SH3KBP1: variants seen among roughly 807,000 people sequenced by gnomAD.
SH3KBP1 encodes SH3 domain-containing kinase-binding protein 1.
Under a neutral mutation model 50.1 loss-of-function variants are expected in SH3KBP1, and 8 were observed. The observed-to-expected ratio is 0.16, with a 90% CI of 0.09 to 0.29. The LOEUF (loss-of-function observed/expected upper bound fraction) is 0.29. Ranked by LOEUF, SH3KBP1 falls within the 10% of genes least tolerant of loss-of-function variation. SH3KBP1 has a pLI of 1.00. For synonymous variants in SH3KBP1, 227 were observed against 218.6 expected (o/e 1.04, Z -0.34); for missense variants, 377 against 535.2 (o/e 0.70, Z 2.92).
At chrX:19,539,680 G>A (rs1397207365) in intron 16 of SH3KBP1, among the ~76,000 whole-genome samples, 1 of 112,080 alleles carries the variant, frequency 8.9e-6, no homozygotes, top group African/African-American at 3.2e-5. Context: ...AGAAAAGCAG[G>A]GAGGTGAGAA....
intron 2 of SH3KBP1, among the ~76,000 whole-genome samples, chrX:19,808,512 T>A (rs752009482): frequency 3.6e-5 from 4 of 110,774 alleles, no homozygotes; most frequent in Non-Finnish European, 7.6e-5. Flanking sequence ...GCCAGCACCA[T>A]GAGTTTTCTC....
rs770896850 is a variant in SH3KBP1 at position 19,631,983 on chromosome X, C to T, written c.803-25G>A. 7.0e-6 allele frequency: 7 copies of T among 995,770 alleles called. No homozygotes were observed. In the African/African-American group the frequency reaches 7.6e-5, roughly 11 times the overall value. The allele number at this position is 995,770 out of a possible 1,213,427, so 82.1% of individuals were successfully genotyped here. ...CCTATAAGAAAAACAGAAAACATAA[C>T]CTTTAAAATGCTTTATCTAATGAGC... On this transcript the variant is annotated intron_variant, in intron 7 of 17. Coordinates refer to ENST00000397821, the MANE Select transcript of SH3KBP1 (RefSeq NM_031892.3).
At chrX:19,871,772 C>T (rs759345467) in intron 1 of SH3KBP1, among the ~76,000 whole-genome samples, 7 of 111,037 alleles carry the variant, frequency 6.3e-5, no homozygotes, top group African/African-American at 2.0e-4. Flanking sequence ...CAGAGGAGTG[C>T]ATGATGACAC....
rs374848421 is a variant in SH3KBP1, at chrX:19,820,416, C to A, written c.162+15709G>T. ...GGCCCATACACATTTAGGACTGCTA[C>A]GTCTTCTTGGTGGAATGACACTTTT... On this transcript the variant is annotated intron_variant, in intron 2 of 17. Coordinates refer to ENST00000397821, the MANE Select transcript of SH3KBP1 (RefSeq NM_031892.3). Among the ~76,000 whole-genome samples, 5 of 111,512 alleles carry A rather than the reference C, an allele frequency of 4.5e-5. No individual in the cohort carries two copies. In the East Asian group the frequency reaches 1.1e-3, roughly 25 times the overall value.
intron 9 of SH3KBP1, among the ~76,000 whole-genome samples, chrX:19,604,205 A>T (rs1207940294): frequency 9.0e-6 from 1 of 111,710 alleles, no homozygotes; most frequent in Non-Finnish European, 1.9e-5. Context: ...AAATAAACAG[A>T]CAGCCATTGA....
chrX:19,589,830 C>T (rs1042927081), intron 11 of SH3KBP1, among the ~76,000 whole-genome samples: 4 of 108,639 alleles, frequency 3.7e-5, no homozygotes, highest in Non-Finnish European at 7.6e-5. Context: ...AAAAAAAAAA[C>T]CCATCAGGGC....
At chrX:19,670,852 A>AAAAAAAAAAAAAAAAAAAC (rs2062774864) in intron 6 of SH3KBP1, 2 of 1,145,265 alleles carry the variant, frequency 1.7e-6, no homozygotes, top group Non-Finnish European at 2.3e-6. Flanking sequence ...AAAAAAAAAA[A>AAAAAAAAAAAAAAAAAAAC]AAGAAATACC....
At chrX:19,714,591 C>G (rs1485803199) in intron 3 of SH3KBP1, among the ~76,000 whole-genome samples, 1 of 111,883 alleles carries the variant, frequency 8.9e-6, no homozygotes, top group Admixed American at 9.5e-5. Flanking sequence ...CTGTCTTTGG[C>G]AGCAACATGG....
intron 1 of SH3KBP1, among the ~76,000 whole-genome samples, chrX:19,881,190 T>C (rs375496024): frequency 8.9e-6 from 1 of 111,733 alleles, no homozygotes; most frequent in Non-Finnish European, 1.9e-5. Context: ...AGCGAAAGCA[T>C]TGGTGGCTGC....
chrX:19,571,231 C>A lies in SH3KBP1; in HGVS notation c.1299-2043G>T, dbSNP rs182792514. 2.7e-3 allele frequency among the ~76,000 whole-genome samples: 302 copies of A among 112,152 alleles called. 1 individual carries two copies. Among genetic ancestry groups the A allele is most frequent in the African/African-American group, 9.6e-3 (296 of 30,856 alleles). ...GCTGGCTGGGCCCTTCCAAGCTAGG[C>A]TGAAATAGAAGTTCAGGTAGAGCAT... On this transcript the variant is annotated intron_variant, in intron 12 of 17. Coordinates refer to ENST00000397821, the MANE Select transcript of SH3KBP1 (RefSeq NM_031892.3).
At chrX:19,874,309 T>G (rs1326394006) in intron 1 of SH3KBP1, among the ~76,000 whole-genome samples, 10 of 58,573 alleles carry the variant, frequency 1.7e-4, no homozygotes, top group East Asian at 5.0e-4. Flanking sequence ...TGAGGGAGAG[T>G]GGGCACTGGG....
chrX:19,818,517 T>C (rs2067426708), intron 2 of SH3KBP1, among the ~76,000 whole-genome samples: 1 of 112,171 alleles, frequency 8.9e-6, no homozygotes, highest in Non-Finnish European at 1.9e-5. Flanking sequence ...GGGGAGAGTA[T>C]ACAGTCTTTC....
At chrX:19,817,995 AC>A (rs1476799748) in intron 2 of SH3KBP1, among the ~76,000 whole-genome samples, 1 of 112,220 alleles carries the variant, frequency 8.9e-6, no homozygotes, top group African/African-American at 3.2e-5. Context: ...GCCTACAGTA[AC>A]ATGCTGTGCA....
chrX:19,854,593 G>A (rs964905891), intron 1 of SH3KBP1, among the ~76,000 whole-genome samples: 2 of 111,521 alleles, frequency 1.8e-5, no homozygotes, highest in African/African-American at 6.5e-5. Context: ...AGATATTATG[G>A]GTTTGAGGAA....
chrX:19,669,331 T>A lies in SH3KBP1; in HGVS notation c.726+14492A>T, dbSNP rs184260157. On this transcript the variant is annotated intron_variant, in intron 6 of 17. Coordinates refer to ENST00000397821, the MANE Select transcript of SH3KBP1 (RefSeq NM_031892.3). Reference sequence around the variant, plus strand: ...GAATAATAATAATAATAATAATTATTATTATTATTACAAAGAGCTCTTGTA... The same window carrying A: ...GAATAATAATAATAATAATAATTATAATTATTATTACAAAGAGCTCTTGTA... Among the ~76,000 whole-genome samples, 706 of 103,004 alleles carry A rather than the reference T, an allele frequency of 6.9e-3. 9 individuals are homozygous for A. Among genetic ancestry groups the A allele is most frequent in the African/African-American group, 0.024 (647 of 27,104 alleles). The allele number at this position is 103,004 out of a possible 115,157, so 89.4% of individuals were successfully genotyped here. A position where few individuals can be genotyped will look rare whatever the true frequency, so the allele number is the denominator to read the frequency against.
intron 2 of SH3KBP1, among the ~76,000 whole-genome samples, chrX:19,812,555 A>G (rs2067234278): frequency 9.1e-6 from 1 of 109,788 alleles, no homozygotes. Flanking sequence ...CTTGGCCAGC[A>G]TAGTGGCTCA....
chrX:19,597,867 G>A (rs1032940067), intron 9 of SH3KBP1, among the ~76,000 whole-genome samples: 5 of 112,754 alleles, frequency 4.4e-5, no homozygotes, highest in Non-Finnish European at 7.5e-5. Context: ...AGCTATGAAA[G>A]TCCTAGATTA....
rs1317548494 is a variant in SH3KBP1 at position 19,570,578 on chromosome X, C to T, written c.1299-1390G>A. Reference sequence around the variant, plus strand: ...CGGTTGTAGCAGGAGACCTGTATACCTGGAGGTCAGGTCAGGGCAGGTGCT... The same window carrying T: ...CGGTTGTAGCAGGAGACCTGTATACTTGGAGGTCAGGTCAGGGCAGGTGCT... On this transcript the variant is annotated intron_variant, in intron 12 of 17. Coordinates refer to ENST00000397821, the MANE Select transcript of SH3KBP1 (RefSeq NM_031892.3). Among the ~76,000 whole-genome samples, 5 of 111,492 alleles carry T rather than the reference C, an allele frequency of 4.5e-5. No homozygotes were observed. The Admixed American group carries it at 4.8e-4, about 11-fold the overall frequency.
chrX:19,567,753 A>G (rs1405977632), intron 13 of SH3KBP1, among the ~76,000 whole-genome samples: 1 of 106,727 alleles, frequency 9.4e-6, no homozygotes, highest in Non-Finnish European at 1.9e-5. Context: ...TTACGACTGC[A>G]TGTGAATCTA....
Sources: gnomAD v4.1 joint callset for allele counts (sites outside exome capture counted in the v4.1 genomes callset) on GRCh38, gnomAD v4.1.1 for gene constraint, MANE v1.5 for transcripts, NCBI Gene and HGNC (gene_info 2026-07-23, HGNC 2026-07-21) for gene names.